The following ACTR3 variants were observed in gnomAD, a reference collection of about 807,000 sequenced individuals.
ACTR3 encodes actin related protein 3.
ACTR3 carries 12 observed loss-of-function variants against 56.8 expected under a neutral mutation model. The observed-to-expected ratio is 0.21, with a 90% CI of 0.14 to 0.34. ACTR3 has a LOEUF of 0.34. ACTR3 is among the 10% of genes least tolerant of loss of function. The pLI is 1.00. For synonymous variants in ACTR3, 162 were observed against 167.4 expected, an observed-to-expected ratio of 0.97 and a Z score of 0.25; for missense variants, 282 against 512.5, an observed-to-expected ratio of 0.55 and a Z score of 4.34.
intron 5 of ACTR3, 114 bp from the exon 6 acceptor site, chr2:113,934,165 A>C (rs1242902537): frequency 5.8e-6 from 4 of 689,754 alleles, no homozygotes; most frequent in Non-Finnish European, 9.9e-6. Flanking sequence ...CAGATACTAC[A>C]TTTAAAATTG....
At chr2:113,916,202 A>G (rs931450502) in intron 2 of ACTR3, among the ~76,000 whole-genome samples, 8 of 152,184 alleles carry the variant, frequency 5.3e-5, no homozygotes, top group Non-Finnish European at 1.0e-4. Context: ...CATTCAGACA[A>G]TTATTTTGAA....
chr2:113,890,741 TG>T (rs1053275424), intron 1 of ACTR3: 15 of 1,051,370 alleles, frequency 1.4e-5, no homozygotes, highest in Non-Finnish European at 1.6e-5. Context: ...GCTCGGGGAC[TG>T]GCCTGGCAGG....
At chr2:113,954,557 A>G (rs1574386741) in intron 10 of ACTR3, 2 of 147,886 alleles carry the variant, frequency 1.4e-5, no homozygotes, top group South Asian at 4.2e-4. Context: ...CAGTAATACC[A>G]CTCATCATTA....
At position 113,957,657 on chromosome 2, in the gene ACTR3, ATTGAATAT is replaced by A. The variant is rs1463804590; in HGVS notation, c.*209_*216del. The A allele has an allele frequency of 5.8e-4, 272 of 466,578 alleles. 5 individuals are homozygous for A. In the East Asian group the frequency reaches 8.4e-3, roughly 14 times the overall value. The allele number at this position is 466,578 out of a possible 1,614,324, so 28.9% of individuals were successfully genotyped here. ...CGAAAGTGATTGTGTTTTTCTTTAG[ATTGAATAT>A]TTGAATCTTATGTGTAACAAAAAGA... On this transcript the variant is annotated 3_prime_UTR_variant, in exon 12 of 12. Coordinates refer to ENST00000263238, the MANE Select transcript of ACTR3 (RefSeq NM_005721.5).
intron 1 of ACTR3, among the ~76,000 whole-genome samples, chr2:113,911,184 G>GT (rs1245227729): frequency 4.6e-5 from 7 of 152,114 alleles, no homozygotes; most frequent in African/African-American, 1.7e-4. Context: ...ATTGTCAGCT[G>GT]TTTTTATGGT....
chr2:113,936,450 ATTTG>A (rs1435757481), intron 6 of ACTR3, among the ~76,000 whole-genome samples: 4 of 150,886 alleles, frequency 2.7e-5, no homozygotes, highest in Admixed American at 6.6e-5. Flanking sequence ...ATCTGTTGTC[ATTTG>A]TTTGTTTTTG....
At chr2:113,937,827 T>A (rs1174237055) in intron 6 of ACTR3, among the ~76,000 whole-genome samples, 1 of 152,178 alleles carries the variant, frequency 6.6e-6, no homozygotes, top group Non-Finnish European at 1.5e-5. Context: ...AGTAAAGTTT[T>A]CTTTATGTCT....
chr2:113,919,564 G>T (rs1436683245), intron 3 of ACTR3, among the ~76,000 whole-genome samples: 3 of 151,950 alleles, frequency 2.0e-5, no homozygotes, highest in East Asian at 3.9e-4. Flanking sequence ...TTTATGGGAG[G>T]TTTTTGTTTG....
chr2:113,945,847 A>C (rs1574381061), intron 8 of ACTR3, among the ~76,000 whole-genome samples: 1 of 152,096 alleles, frequency 6.6e-6, no homozygotes, highest in African/African-American at 2.4e-5. Flanking sequence ...CCGTATGTAC[A>C]TGTTTACTTA....
intron 1 of ACTR3, among the ~76,000 whole-genome samples, chr2:113,895,074 C>G (rs1678982113): frequency 7.9e-6 from 1 of 126,642 alleles, no homozygotes; most frequent in East Asian, 2.8e-4. Flanking sequence ...CCCCCCACCC[C>G]CCTGCCGATA....
chr2:113,961,804 G>T lies in ACTR3; in HGVS notation c.*4349G>T, dbSNP rs887750483. ...TGCGGAATTTCTCTTCATAAAAATG[G>T]TAGTGTTAGTTGTTTAGAGGGAGAA... On this transcript the variant is annotated 3_prime_UTR_variant, in exon 12 of 12. Coordinates refer to ENST00000263238, the MANE Select transcript of ACTR3 (RefSeq NM_005721.5). The T allele has an allele frequency of 6.6e-6, 1 of 151,960 alleles. No individual in the cohort carries two copies. The highest frequency in any genetic ancestry group is 1.5e-5 in the Non-Finnish European group (1 of 67,858). The allele number at this position is 151,960 out of a possible 1,614,324, so 9.4% of individuals were successfully genotyped here.
intron 11 of ACTR3, among the ~76,000 whole-genome samples, chr2:113,956,065 A>T (rs562212471): frequency 2.0e-5 from 3 of 151,762 alleles, no homozygotes; most frequent in Non-Finnish European, 2.9e-5. Context: ...TATTATTATT[A>T]TTTTTTATTG....
intron 3 of ACTR3, among the ~76,000 whole-genome samples, chr2:113,926,049 A>G (rs963454294): frequency 6.6e-6 from 1 of 152,222 alleles, no homozygotes; most frequent in African/African-American, 2.4e-5. Flanking sequence ...CTTGAAAAAA[A>G]TAAGACACTT....
At chr2:113,949,850 A>T (rs1023835053) in intron 8 of ACTR3, among the ~76,000 whole-genome samples, 10 of 152,220 alleles carry the variant, frequency 6.6e-5, no homozygotes, top group African/African-American at 2.4e-4. Context: ...GGTGTGAGTC[A>T]CCATGCCCAG....
rs146506816 is a variant in ACTR3 at position 113,954,483 on chromosome 2, A to G, written c.1078-1140A>G. On this transcript the variant is annotated intron_variant, in intron 10 of 11. Coordinates refer to ENST00000263238, the MANE Select transcript of ACTR3 (RefSeq NM_005721.5). ...TTCATTTATTCTTTTAGTAATATCTATATGAACTCCTGATTTCTCATTTTG... is the reference window on the plus strand; with the variant it reads ...TTCATTTATTCTTTTAGTAATATCTGTATGAACTCCTGATTTCTCATTTTG... The G allele has an allele frequency of 7.4e-4, 113 of 152,144 alleles. 1 individual carries two copies. The highest frequency in any genetic ancestry group is 2.4e-3 in the African/African-American group (99 of 41,528). 9.4% of individuals were successfully genotyped at this position (152,144 alleles called of 1,614,324 possible).
At chr2:113,933,335 C>G (rs1350850327) in intron 5 of ACTR3, among the ~76,000 whole-genome samples, 1 of 151,874 alleles carries the variant, frequency 6.6e-6, no homozygotes, top group South Asian at 2.1e-4. Context: ...ATGGTGAAAC[C>G]CCGTCTCTAC....
intron 11 of ACTR3, 45 bp from the exon 12 acceptor site, chr2:113,957,315 G>A (rs1335576643): frequency 7.3e-7 from 1 of 1,372,380 alleles, no homozygotes; most frequent in African/African-American, 1.4e-5. Context: ...CCTTCAAGAT[G>A]GTAGATTTTT....
rs1205846179 is a variant in ACTR3 at position 113,890,237 on chromosome 2, A to G, written c.-43A>G. ...CCGCCAATCTCTGGCCCCTAGCAGCACGGAGCAGACGGCGGCAGCAGCAGC... is the reference window on the plus strand; with the variant it reads ...CCGCCAATCTCTGGCCCCTAGCAGCGCGGAGCAGACGGCGGCAGCAGCAGC... On this transcript the variant is annotated 5_prime_UTR_variant, in exon 1 of 12. Coordinates refer to ENST00000263238, the MANE Select transcript of ACTR3 (RefSeq NM_005721.5). The G allele has an allele frequency of 4.5e-6, 7 of 1,550,874 alleles. No homozygotes were observed. In the East Asian group the frequency reaches 1.7e-4, roughly 38 times the overall value.
Position 113,926,755 on chromosome 2 carries a change from G to A in ACTR3, c.226-590G>A, listed in dbSNP as rs531035975. On this transcript the variant is annotated intron_variant, in intron 3 of 11. Transcript: ENST00000263238. ...CCACCTCTCGATACTATAACACTGG[G>A]AATTAAATTTTAACATGAGTTTTGG... Among the ~76,000 whole-genome samples the A allele has an allele frequency of 5.3e-5, 8 of 152,246 alleles. 1 individual carries two copies. The highest frequency in any genetic ancestry group is 5.2e-4 in the Admixed American group (8 of 15,288).
Sources: gnomAD v4.1 joint callset for allele counts (sites outside exome capture counted in the v4.1 genomes callset) on GRCh38, gnomAD v4.1.1 for gene constraint, MANE v1.5 for transcripts, NCBI Gene and HGNC (gene_info 2026-07-23, HGNC 2026-07-21) for gene names.